The following NCKAP5 variants were observed in gnomAD, a reference collection of about 807,000 sequenced individuals.
The protein encoded by NCKAP5 is nck-associated protein 5.
Under a neutral mutation model 167.0 loss-of-function variants are expected in NCKAP5, and 92 were observed. The observed-to-expected ratio is 0.55, with a 90% CI of 0.47 to 0.66. The LOEUF (loss-of-function observed/expected upper bound fraction) is 0.66, where lower values mean the gene tolerates loss of function less well. Among genes scored for constraint, NCKAP5 ranks in the 30% least tolerant of loss-of-function variants. NCKAP5 has a pLI of 0.00. For missense variants in NCKAP5, 2,378 were observed against 2,315.0 expected, an observed-to-expected ratio of 1.03 and a Z score of -0.56; for synonymous variants, 891 against 877.4, an observed-to-expected ratio of 1.02 and a Z score of -0.27.
rs55826486 is a variant in NCKAP5 at position 132,795,820 on chromosome 2, GAAAAAAAAA to G, written c.909+799_909+807del. On this transcript the variant is annotated intron_variant, in intron 12 of 19. Coordinates refer to ENST00000409261, the MANE Select transcript of NCKAP5 (RefSeq NM_207363.3). ...GGCAACAGGATGAGACCCCGTATCA[GAAAAAAAAA>G]AAAAAAAAACAAAAAAAACAAAAGA... Among the ~76,000 whole-genome samples, 7 of 85,062 alleles carry G rather than the reference GAAAAAAAAA, an allele frequency of 8.2e-5. No homozygotes were observed. In the South Asian group the frequency reaches 3.1e-3, roughly 38 times the overall value. 55.8% of individuals were successfully genotyped at this position (85,062 alleles called of 152,430 possible). A position where few individuals can be genotyped will look rare whatever the true frequency, so the allele number is the denominator to read the frequency against.
intron 3 of NCKAP5, among the ~76,000 whole-genome samples, chr2:133,386,407 G>C (rs1686969967): frequency 6.6e-6 from 1 of 152,228 alleles, no homozygotes; most frequent in Non-Finnish European, 1.5e-5. Flanking sequence ...ACTGTGGTCT[G>C]AGAGACAGTT....
intron 8 of NCKAP5, among the ~76,000 whole-genome samples, chr2:132,879,582 G>A (rs1289210010): frequency 6.6e-6 from 1 of 152,164 alleles, no homozygotes. Context: ...TTAGGTTTTA[G>A]AAGGAGCGTG....
At chr2:133,307,274 G>A (rs1333551188) in intron 3 of NCKAP5, among the ~76,000 whole-genome samples, 1 of 152,168 alleles carries the variant, frequency 6.6e-6, no homozygotes, top group South Asian at 2.1e-4. Context: ...GAAAATGAAT[G>A]CAGATGTGAT....
At chr2:132,944,469 C>A (rs945136489) in intron 8 of NCKAP5, among the ~76,000 whole-genome samples, 5 of 152,174 alleles carry the variant, frequency 3.3e-5, no homozygotes, top group Admixed American at 2.6e-4. Flanking sequence ...GTGTTAGGTA[C>A]ATTACCATAC....
chr2:133,498,434 G>T (rs577107308), intron 3 of NCKAP5, among the ~76,000 whole-genome samples: 2 of 33,888 alleles, frequency 5.9e-5, no homozygotes, highest in African/African-American at 2.4e-4. Flanking sequence ...TGAGAAAAAC[G>T]GAAGGAAGGA....
At chr2:132,890,025 A>G (rs894756387) in intron 8 of NCKAP5, among the ~76,000 whole-genome samples, 1 of 152,186 alleles carries the variant, frequency 6.6e-6, no homozygotes, top group Non-Finnish European at 1.5e-5. Context: ...TGGCTTTCCC[A>G]CGGCAAAAGC....
At chr2:132,856,995 A>T (rs1389770827) in intron 11 of NCKAP5, among the ~76,000 whole-genome samples, 1 of 152,156 alleles carries the variant, frequency 6.6e-6, no homozygotes, top group Non-Finnish European at 1.5e-5. Flanking sequence ...AACGGGTGCA[A>T]TGATAGGTCC....
chr2:133,284,534 A>G (rs2090040100), intron 4 of NCKAP5, among the ~76,000 whole-genome samples: 1 of 152,202 alleles, frequency 6.6e-6, no homozygotes, highest in South Asian at 2.1e-4. Flanking sequence ...CACCGTGGCA[A>G]TTCTTGCTTC....
At chr2:132,888,261 CAT>C (rs1432114802) in intron 8 of NCKAP5, among the ~76,000 whole-genome samples, 1 of 152,156 alleles carries the variant, frequency 6.6e-6, no homozygotes, top group Non-Finnish European at 1.5e-5. Context: ...GTCATACACA[CAT>C]GTGGATATAT....
At chr2:133,217,723 G>T (rs2086492404) in intron 4 of NCKAP5, among the ~76,000 whole-genome samples, 1 of 152,034 alleles carries the variant, frequency 6.6e-6, no homozygotes, top group African/African-American at 2.4e-5. Flanking sequence ...TTTGTGATTT[G>T]CTGAATGAGG....
chr2:133,165,994 G>T (rs942010333), intron 5 of NCKAP5, among the ~76,000 whole-genome samples: 3 of 152,164 alleles, frequency 2.0e-5, no homozygotes, highest in Non-Finnish European at 4.4e-5. Flanking sequence ...TTTACCAACA[G>T]TGGGGATGAA....
intron 2 of NCKAP5, among the ~76,000 whole-genome samples, chr2:133,529,799 C>T (rs1312244990): frequency 6.6e-6 from 1 of 152,136 alleles, no homozygotes; most frequent in Non-Finnish European, 1.5e-5. Context: ...AGCTGGGCAT[C>T]TTTGTTTTAT....
chr2:132,825,520 A>G (rs1687066222), intron 11 of NCKAP5, among the ~76,000 whole-genome samples: 1 of 152,250 alleles, frequency 6.6e-6, no homozygotes, highest in Non-Finnish European at 1.5e-5. Context: ...CAAAATCAAT[A>G]GGAATGTATT....
chr2:133,030,290 G>A (rs1329728153), intron 6 of NCKAP5, among the ~76,000 whole-genome samples: 1 of 152,180 alleles, frequency 6.6e-6, no homozygotes, highest in East Asian at 1.9e-4. Context: ...GGTGATGGAT[G>A]GGCACCTCAC....
At chr2:132,677,602 T>A (rs187211876) in intron 19 of NCKAP5, among the ~76,000 whole-genome samples, 1 of 152,144 alleles carries the variant, frequency 6.6e-6, no homozygotes, top group East Asian at 1.9e-4. Context: ...GGAATTCCAA[T>A]AAATATTCAT....
intron 16 of NCKAP5, among the ~76,000 whole-genome samples, chr2:132,736,030 G>A (rs770483653): frequency 2.6e-5 from 4 of 152,138 alleles, no homozygotes; most frequent in African/African-American, 4.8e-5. Context: ...CTGATTCCCA[G>A]AGAATTGCAT....
At chr2:133,561,242 A>C (rs1336426650) in intron 1 of NCKAP5, among the ~76,000 whole-genome samples, 1 of 152,230 alleles carries the variant, frequency 6.6e-6, no homozygotes, top group Non-Finnish European at 1.5e-5. Flanking sequence ...TAGTTTAACA[A>C]GGCCCTCTAC....
chr2:133,271,184 G>A (rs62179969), intron 4 of NCKAP5, among the ~76,000 whole-genome samples: 15,530 of 150,816 alleles, frequency 0.1, 912 homozygotes, highest in East Asian at 0.16. Context: ...CACCAGCCTC[G>A]GCCTCCCAAA....
chr2:133,165,386 GT>G (rs1180624450), intron 5 of NCKAP5, among the ~76,000 whole-genome samples: 1 of 152,088 alleles, frequency 6.6e-6, no homozygotes, highest in Non-Finnish European at 1.5e-5. Context: ...CTATGTAAGA[GT>G]TTTAAGAAAA....
Sources: allele counts gnomAD v4.1 joint callset (sites outside exome capture counted in the v4.1 genomes callset), GRCh38; gene constraint gnomAD v4.1.1; transcripts MANE v1.5; gene names NCBI Gene and HGNC (gene_info 2026-07-23, HGNC 2026-07-21).